Variants in AUTS2 observed in about 807,000 individuals in gnomAD.
AUTS2 encodes the protein activator of transcription and developmental regulator AUTS2.
Under a neutral mutation model 112.4 loss-of-function variants are expected in AUTS2, and 17 were observed. That is an observed-to-expected ratio of 0.15 (90% CI 0.10 to 0.23). AUTS2 has a LOEUF of 0.23. Among genes scored for constraint, AUTS2 ranks in the 10% least tolerant of loss-of-function variants. The pLI is 1.00. For synonymous variants in AUTS2, 751 were observed against 702.7 expected, an observed-to-expected ratio of 1.07 and a Z score of -1.09; for missense variants, 1,510 against 1,701.6, an observed-to-expected ratio of 0.89 and a Z score of 1.98.
In AUTS2 at chr7:70,212,936, A is replaced by C. The variant is rs534496327; in HGVS notation, c.660+78365A>C. Among the ~76,000 whole-genome samples the C allele has an allele frequency of 7.2e-5, 11 of 152,300 alleles. No individual in the cohort carries two copies. The East Asian group carries it at 2.1e-3, about 29-fold the overall frequency. On this transcript the variant is annotated intron_variant, in intron 4 of 18. Transcript: ENST00000342771. ...ATACATACAGTCAGATAGAAGAAAT[A>C]AGACTCAGTGTTAATAGATCAGTGG...
At chr7:70,606,845 A>T (rs1803803980) in intron 5 of AUTS2, among the ~76,000 whole-genome samples, 1 of 150,106 alleles carries the variant, frequency 6.7e-6, no homozygotes, top group African/African-American at 2.4e-5. Flanking sequence ...CTGGGCGACA[A>T]GCGAGACTCT....
intron 1 of AUTS2, among the ~76,000 whole-genome samples, chr7:69,708,433 A>G (rs1798162774): frequency 6.6e-6 from 1 of 152,212 alleles, no homozygotes. Flanking sequence ...ATTAGCAACC[A>G]AACATCATTT....
chr7:69,924,884 G>A (rs1038267020), intron 2 of AUTS2, among the ~76,000 whole-genome samples: 3 of 152,192 alleles, frequency 2.0e-5, no homozygotes, highest in Non-Finnish European at 2.9e-5. Context: ...GGTAGAATTT[G>A]TCAGTGAATC....
chr7:70,233,542 G>A lies in AUTS2; in HGVS notation c.660+98971G>A, dbSNP rs549140001. ...GTGACTATGACTCCAGGTCTGCTGC[G>A]TTTAGAAATGGAATTGCGGGCAGAT... On this transcript the variant is annotated intron_variant, in intron 4 of 18. Transcript: ENST00000342771. Among the ~76,000 whole-genome samples the A allele has an allele frequency of 4.6e-5, 7 of 152,252 alleles. No homozygotes were observed. In the East Asian group the frequency reaches 7.7e-4, roughly 17 times the overall value.
chr7:69,810,599 G>A (rs1181507177), intron 1 of AUTS2, among the ~76,000 whole-genome samples: 1 of 152,082 alleles, frequency 6.6e-6, no homozygotes, highest in African/African-American at 2.4e-5. Context: ...TAGAGAACTA[G>A]GGTTTTGAGG....
chr7:70,508,922 T>A (rs1198451749), intron 5 of AUTS2, among the ~76,000 whole-genome samples: 1 of 152,228 alleles, frequency 6.6e-6, no homozygotes, highest in Non-Finnish European at 1.5e-5. Flanking sequence ...AACTGAAGCC[T>A]TTTTCTAGAA....
At chr7:70,426,281 C>G (rs2130759144) in intron 4 of AUTS2, among the ~76,000 whole-genome samples, 1 of 152,266 alleles carries the variant, frequency 6.6e-6, no homozygotes, top group Non-Finnish European at 1.5e-5. Flanking sequence ...TTGAACCAAC[C>G]CTCTGTGATT....
intron 2 of AUTS2, among the ~76,000 whole-genome samples, chr7:70,069,292 C>T (rs1027863702): frequency 9.9e-5 from 15 of 152,156 alleles, no homozygotes; most frequent in Non-Finnish European, 2.9e-5. Flanking sequence ...AATCACTCTT[C>T]GTTGAGAGAT....
At chr7:69,782,989 A>G (rs1462740919) in intron 1 of AUTS2, among the ~76,000 whole-genome samples, 2 of 151,914 alleles carry the variant, frequency 1.3e-5, no homozygotes, top group Non-Finnish European at 2.9e-5. Context: ...ACTCGTACCC[A>G]AATCCATGGT....
At chr7:69,663,169 G>C (rs1349340352) in intron 1 of AUTS2, 2 of 152,062 alleles carry the variant, frequency 1.3e-5, no homozygotes, top group Non-Finnish European at 1.5e-5. Flanking sequence ...GCCTAAGCTG[G>C]TACTCTTATT....
intron 5 of AUTS2, among the ~76,000 whole-genome samples, chr7:70,546,074 A>G (rs1800762415): frequency 6.6e-6 from 1 of 152,214 alleles, no homozygotes; most frequent in African/African-American, 2.4e-5. Context: ...TATGTGGTGA[A>G]TGGGCATTAT....
intron 5 of AUTS2, among the ~76,000 whole-genome samples, chr7:70,598,609 G>A (rs1241058422): frequency 1.3e-5 from 2 of 152,116 alleles, no homozygotes; most frequent in Non-Finnish European, 2.9e-5. Context: ...AAAAAAGAGG[G>A]AGTAGGGGCT....
At chr7:70,327,478 C>T (rs924718265) in intron 4 of AUTS2, among the ~76,000 whole-genome samples, 1 of 152,158 alleles carries the variant, frequency 6.6e-6, no homozygotes, top group Non-Finnish European at 1.5e-5. Flanking sequence ...ATCTATTCTT[C>T]CAAAGAAATT....
At chr7:69,600,538 CTTT>C (rs370612172) in intron 1 of AUTS2, among the ~76,000 whole-genome samples, 3 of 85,562 alleles carry the variant, frequency 3.5e-5, no homozygotes, top group African/African-American at 9.6e-5. Flanking sequence ...CCCCCATATT[CTTT>C]TTTTTTTTTT....
chr7:70,417,869 T>A (rs181528026), intron 4 of AUTS2, among the ~76,000 whole-genome samples: 11 of 152,316 alleles, frequency 7.2e-5, no homozygotes, highest in Non-Finnish European at 2.9e-5. Flanking sequence ...CCTATGCTCC[T>A]GTTCTCTCAC....
intron 2 of AUTS2, among the ~76,000 whole-genome samples, chr7:69,972,312 A>T (rs1339332915): frequency 6.6e-6 from 1 of 152,130 alleles, no homozygotes; most frequent in African/African-American, 2.4e-5. Context: ...AAAAATTTTT[A>T]CTGTTGAGTT....
chr7:69,705,863 A>G (rs560972009), intron 1 of AUTS2, among the ~76,000 whole-genome samples: 7 of 152,038 alleles, frequency 4.6e-5, no homozygotes, highest in Non-Finnish European at 4.4e-5. Context: ...GTGTCCTTAC[A>G]TGGTCTTCCC....
intron 1 of AUTS2, 85 bp from the exon 2 acceptor site, chr7:69,899,201 C>T: frequency 1.0e-6 from 1 of 991,750 alleles, no homozygotes; most frequent in Non-Finnish European, 1.6e-6. Context: ...GTAGTAACAC[C>T]CTTTAGTATT....
chr7:69,608,357 C>T (rs1792845497), intron 1 of AUTS2, among the ~76,000 whole-genome samples: 1 of 152,160 alleles, frequency 6.6e-6, no homozygotes, highest in Non-Finnish European at 1.5e-5. Context: ...CCACACCTAC[C>T]CTCGTCTGCA....
Sources: allele counts gnomAD v4.1 joint callset (sites outside exome capture counted in the v4.1 genomes callset), GRCh38; gene constraint gnomAD v4.1.1; transcripts MANE v1.5; gene names NCBI Gene and HGNC (gene_info 2026-07-23, HGNC 2026-07-21).